ZNF676: variants seen among roughly 807,000 people sequenced by gnomAD.
The protein encoded by ZNF676 is zinc finger protein 676.
A neutral mutation model predicts 6.0 loss-of-function variants in ZNF676; 4 were observed. The observed-to-expected ratio is 0.67, with a 90% confidence interval of 0.33 to 1.53. ZNF676 has a LOEUF of 1.53. Among genes scored for constraint, ZNF676 ranks in the 40% most tolerant of loss-of-function variants. The probability of loss-of-function intolerance (pLI) is 0.06; values close to 1 mark genes in which losing one functional copy is unlikely to be tolerated. For missense variants in ZNF676, 644 were observed against 679.7 expected (o/e 0.95, Z 0.58); for synonymous variants, 198 against 223.1 (o/e 0.89, Z 1.00).
At chr19:22,255,087 G>T in the ZNF676 span, among the ~76,000 whole-genome samples, 1 of 152,156 alleles carries the variant, frequency 6.6e-6, no homozygotes, top group Non-Finnish European at 1.5e-5. Flanking sequence ...AGGTGAACTG[G>T]ATCTGTGTAT....
chr19:22,189,887 A>C (rs567461194), intron 2 of ZNF676, among the ~76,000 whole-genome samples: 21 of 152,198 alleles, frequency 1.4e-4, no homozygotes, highest in East Asian at 1.4e-3. Flanking sequence ...TGCTGCAAAG[A>C]TGTGGAGAAG....
chr19:22,209,130 T>C (rs977098234), intron 1 of ZNF676, among the ~76,000 whole-genome samples: 5 of 151,970 alleles, frequency 3.3e-5, no homozygotes, highest in African/African-American at 1.2e-4. Flanking sequence ...CTGAGTGTGG[T>C]GGCACACGCC....
the ZNF676 span, among the ~76,000 whole-genome samples, chr19:22,253,745 A>T: frequency 6.6e-6 from 1 of 151,946 alleles, no homozygotes; most frequent in South Asian, 2.1e-4. Context: ...TCAATGTGTG[A>T]AATTCAGGAC....
At chr19:22,219,770 C>T (rs868772181), upstream of ZNF676, among the ~76,000 whole-genome samples, 12 of 152,028 alleles carry the variant, frequency 7.9e-5, no homozygotes, top group East Asian at 1.9e-4. Flanking sequence ...ATTCTCCCGC[C>T]TCAGCCTCCC....
At chr19:22,231,843 A>T in the ZNF676 span, among the ~76,000 whole-genome samples, 942 of 151,456 alleles carry the variant, frequency 6.2e-3, no homozygotes, top group African/African-American at 0.021. Context: ...CTTGTGATCC[A>T]CCCGCCTCAG....
chr19:22,196,347 T>C (rs2023966620), intron 1 of ZNF676, among the ~76,000 whole-genome samples: 1 of 152,118 alleles, frequency 6.6e-6, no homozygotes, highest in Non-Finnish European at 1.5e-5. Flanking sequence ...CATGCAGGCC[T>C]GCATTAAGTC....
At chr19:22,200,391 G>A (rs1202517798), upstream of ZNF676, among the ~76,000 whole-genome samples, 1 of 151,792 alleles carries the variant, frequency 6.6e-6, no homozygotes, top group African/African-American at 2.4e-5. Flanking sequence ...CTCAAATAAA[G>A]CCCAAGTTGT....
chr19:22,200,607 C>T (rs547626064), upstream of ZNF676, among the ~76,000 whole-genome samples: 6 of 145,976 alleles, frequency 4.1e-5, no homozygotes, highest in East Asian at 1.2e-3. Context: ...TAGTCTCCAC[C>T]TAACAGGTTA....
chr19:22,180,322 A>T lies in ZNF676; in HGVS notation c.1395T>A (p.Thr465=), dbSNP rs1306384293. 2 of 1,612,790 alleles carry T rather than the reference A, an allele frequency of 1.2e-6. No individual in the cohort carries two copies. The highest frequency in any genetic ancestry group is 2.7e-5 in the African/African-American group (2 of 74,866). ...GKAFTWSSSF[T]KHKRIHAAEK... is the part of the protein sequence containing the mutation. ...CTGCAGCATGAATTCTCTTGTGTTT[A>T]GTAAAGCTTGAGGACCAGGTGAAGG... Residue 465 remains threonine (T), a synonymous_variant, in exon 3 of 3, where the codon ACT becomes ACA. Transcript: ENST00000397121.
chr19:22,232,813 T>C, the ZNF676 span, among the ~76,000 whole-genome samples: 2 of 152,148 alleles, frequency 1.3e-5, no homozygotes, highest in African/African-American at 4.8e-5. Context: ...ACTATGAGCA[T>C]GCTCCTGTTC....
chr19:22,253,279 A>T, the ZNF676 span, among the ~76,000 whole-genome samples: 1 of 151,558 alleles, frequency 6.6e-6, no homozygotes, highest in African/African-American at 2.4e-5. Context: ...TATGAGTGTC[A>T]TAATCGCACC....
chr19:22,247,125 G>T, the ZNF676 span, among the ~76,000 whole-genome samples: 1 of 152,146 alleles, frequency 6.6e-6, no homozygotes, highest in African/African-American at 2.4e-5. Flanking sequence ...AACTAGTGGG[G>T]TATATTCTAC....
the ZNF676 span, among the ~76,000 whole-genome samples, chr19:22,238,365 A>C: frequency 9.2e-5 from 14 of 152,128 alleles, no homozygotes; most frequent in Non-Finnish European, 1.3e-4. Context: ...AAAGGTATGT[A>C]TAGAGTCACT....
the ZNF676 span, among the ~76,000 whole-genome samples, chr19:22,223,544 C>T: frequency 5.4e-5 from 8 of 148,766 alleles, no homozygotes; most frequent in African/African-American, 7.5e-5. Context: ...TTACTGATGT[C>T]GCTCTCCCTA....
At chr19:22,250,693 T>C in the ZNF676 span, among the ~76,000 whole-genome samples, 1 of 152,028 alleles carries the variant, frequency 6.6e-6, no homozygotes, top group South Asian at 2.1e-4. Context: ...TCCTGACCCA[T>C]GGTAAGTAAG....
intron 1 of ZNF676, among the ~76,000 whole-genome samples, chr19:22,212,722 T>G (rs1164020068): frequency 6.9e-6 from 1 of 144,492 alleles, no homozygotes; most frequent in Non-Finnish European, 1.5e-5. Flanking sequence ...AAAGTCCGTG[T>G]GCGGTGGCTC....
chr19:22,193,952 C>T (rs549350978), intron 1 of ZNF676, among the ~76,000 whole-genome samples: 44 of 152,262 alleles, frequency 2.9e-4, no homozygotes, highest in African/African-American at 1.0e-3. Context: ...ATTTGGGTTG[C>T]ACTTGCTTAT....
At chr19:22,235,321 G>T in the ZNF676 span, among the ~76,000 whole-genome samples, 1 of 152,186 alleles carries the variant, frequency 6.6e-6, no homozygotes, top group South Asian at 2.1e-4. Context: ...GCCTGGACCT[G>T]TTGCAGAGCC....
chr19:22,235,500 C>A, the ZNF676 span, among the ~76,000 whole-genome samples: 2 of 152,166 alleles, frequency 1.3e-5, no homozygotes, highest in African/African-American at 4.8e-5. Context: ...CAGCAACTTA[C>A]CTTTTACCTT....
Sources: gnomAD v4.1 joint callset for allele counts (sites outside exome capture counted in the v4.1 genomes callset) on GRCh38, gnomAD v4.1.1 for gene constraint, MANE v1.5 for transcripts, NCBI Gene and HGNC (gene_info 2026-07-23, HGNC 2026-07-21) for gene names.